Variants in KCNT2 observed in about 807,000 individuals in gnomAD.
KCNT2 encodes the protein potassium sodium-activated channel subfamily T member 2, also known as potassium channel subfamily T member 2.
In KCNT2, 67 loss-of-function variants were observed where a neutral mutation model predicts 153.8. That is an observed-to-expected ratio of 0.44 (90% confidence interval 0.36 to 0.53). The LOEUF (loss-of-function observed/expected upper bound fraction) is 0.53. Ranked by LOEUF, KCNT2 falls within the 20% of genes least tolerant of loss-of-function variation. The pLI, the probability that KCNT2 is intolerant of heterozygous loss-of-function variation, is 0.00. For synonymous variants in KCNT2, 500 were observed against 458.8 expected (o/e 1.09, Z -1.15); for missense variants, 975 against 1,354.8 (o/e 0.72, Z 4.40).
At chr1:196,256,380 A>G (rs900641555) in intron 26 of KCNT2, among the ~76,000 whole-genome samples, 1 of 152,040 alleles carries the variant, frequency 6.6e-6, no homozygotes, top group Non-Finnish European at 1.5e-5. Context: ...GTGGTCCATG[A>G]CAGCATTTTC....
At chr1:196,362,321 CCTT>C (rs1667701622) in intron 14 of KCNT2, among the ~76,000 whole-genome samples, 1 of 152,082 alleles carries the variant, frequency 6.6e-6, no homozygotes, top group African/African-American at 2.4e-5. Context: ...CTTTCTCAGT[CCTT>C]CTTTTCTGGT....
At chr1:196,418,022 T>C (rs1161430928) in intron 12 of KCNT2, among the ~76,000 whole-genome samples, 1 of 152,172 alleles carries the variant, frequency 6.6e-6, no homozygotes, top group Admixed American at 6.5e-5. Context: ...GTTCACATTA[T>C]TATGGCTGTT....
chr1:196,572,814 C>T (rs1660928707), intron 1 of KCNT2, among the ~76,000 whole-genome samples: 1 of 151,996 alleles, frequency 6.6e-6, no homozygotes, highest in Non-Finnish European at 1.5e-5. Flanking sequence ...GCTGCAAAAG[C>T]TTTTATGGAG....
intron 25 of KCNT2, among the ~76,000 whole-genome samples, chr1:196,276,891 A>C (rs1295775763): frequency 2.6e-5 from 4 of 152,008 alleles, no homozygotes; most frequent in Admixed American, 6.6e-5. Context: ...ATCTCTCTGA[A>C]AGATTTTAGG....
chr1:196,592,957 A>G (rs1297898677), intron 1 of KCNT2, among the ~76,000 whole-genome samples: 1 of 150,644 alleles, frequency 6.6e-6, no homozygotes, highest in Non-Finnish European at 1.5e-5. Context: ...TGTGGGGGGA[A>G]CAGGTAGTAT....
At chr1:196,425,515 T>TAAAAACAG (rs1673582384) in intron 11 of KCNT2, among the ~76,000 whole-genome samples, 2 of 151,958 alleles carry the variant, frequency 1.3e-5, no homozygotes, top group Non-Finnish European at 2.9e-5. Context: ...TATTCGGGGA[T>TAAAAACAG]TTGGAGACTA....
At chr1:196,608,188 A>G (rs1216080331) in intron 1 of KCNT2, 27 bp downstream of exon 1, 2 of 1,602,196 alleles carry the variant, frequency 1.2e-6, no homozygotes, top group South Asian at 1.1e-5. Context: ...CAATATTTAC[A>G]GAACAATCCT....
chr1:196,531,919 A>G (rs1388611965), intron 1 of KCNT2, among the ~76,000 whole-genome samples: 2 of 152,098 alleles, frequency 1.3e-5, no homozygotes, highest in African/African-American at 2.4e-5. Context: ...GTATCTCGGT[A>G]TTCTAAATAG....
chr1:196,534,197 T>C (rs984868880), intron 1 of KCNT2, among the ~76,000 whole-genome samples: 26 of 152,302 alleles, frequency 1.7e-4, no homozygotes, highest in African/African-American at 5.5e-4. Flanking sequence ...CTCATGGTTA[T>C]CCATATTTTA....
At chr1:196,342,426 A>ATATATG (rs1665744695) in intron 14 of KCNT2, among the ~76,000 whole-genome samples, 198 bp from the exon 15 acceptor site, 2 of 115,468 alleles carry the variant, frequency 1.7e-5, no homozygotes, top group Non-Finnish European at 3.8e-5. Context: ...AATACTATAT[A>ATATATG]TATATATATA....
chr1:196,491,387 C>T (rs747341466), intron 2 of KCNT2, among the ~76,000 whole-genome samples: 3 of 151,952 alleles, frequency 2.0e-5, no homozygotes, highest in Non-Finnish European at 4.4e-5. Context: ...ATTTGGACAA[C>T]TTCCCACAAG....
chr1:196,333,595 A>G (rs574024289), intron 17 of KCNT2, among the ~76,000 whole-genome samples: 2 of 152,274 alleles, frequency 1.3e-5, no homozygotes, highest in South Asian at 4.1e-4. Context: ...TGAGGATAAA[A>G]GATAATTAAG....
At chr1:196,462,058 A>T (rs1677200448) in intron 8 of KCNT2, among the ~76,000 whole-genome samples, 1 of 151,708 alleles carries the variant, frequency 6.6e-6, no homozygotes, top group African/African-American at 2.4e-5. Flanking sequence ...AATTTCTGAC[A>T]TGTCCTATGG....
At chr1:196,300,158 G>A (rs926189053) in intron 22 of KCNT2, among the ~76,000 whole-genome samples, 2 of 152,228 alleles carry the variant, frequency 1.3e-5, no homozygotes, top group African/African-American at 4.8e-5. Context: ...AAGTTACATA[G>A]GTAATGATGG....
intron 14 of KCNT2, among the ~76,000 whole-genome samples, chr1:196,350,234 G>A (rs147708390): frequency 0.024 from 3,582 of 152,202 alleles, 147 homozygotes; most frequent in African/African-American, 0.082. Context: ...TAATGAGATG[G>A]CTGGGTCAAA....
chr1:196,418,449 A>G (rs560474240), intron 12 of KCNT2, among the ~76,000 whole-genome samples: 2 of 152,140 alleles, frequency 1.3e-5, no homozygotes, highest in East Asian at 3.9e-4. Flanking sequence ...CGGGGCAAGA[A>G]AAGCAAAACT....
chr1:196,597,755 T>A (rs931815239), intron 1 of KCNT2, among the ~76,000 whole-genome samples: 1 of 152,212 alleles, frequency 6.6e-6, no homozygotes, highest in Non-Finnish European at 1.5e-5. Context: ...GGTTTTTTCC[T>A]TATTATCTTT....
intron 1 of KCNT2, among the ~76,000 whole-genome samples, chr1:196,523,130 C>T (rs1653697541): frequency 6.6e-6 from 1 of 152,176 alleles, no homozygotes; most frequent in African/African-American, 2.4e-5. Flanking sequence ...ACCACGAAAC[C>T]ACCAGGAGGA....
At chr1:196,416,245 A>C (rs1672743621) in intron 12 of KCNT2, among the ~76,000 whole-genome samples, 1 of 152,042 alleles carries the variant, frequency 6.6e-6, no homozygotes, top group South Asian at 2.1e-4. Flanking sequence ...AAGAGTAGCA[A>C]TGCTGCCAAT....
Sources: gnomAD v4.1 joint callset for allele counts (sites outside exome capture counted in the v4.1 genomes callset) on GRCh38, gnomAD v4.1.1 for gene constraint, MANE v1.5 for transcripts, NCBI Gene and HGNC (gene_info 2026-07-23, HGNC 2026-07-21) for gene names.